FKBP5: variants seen among roughly 807,000 people sequenced by gnomAD.
FKBP5 encodes the protein peptidyl-prolyl cis-trans isomerase FKBP5.
Under a neutral mutation model 50.5 loss-of-function variants are expected in FKBP5, and 23 were observed. That is an observed-to-expected ratio of 0.46 (90% CI 0.33 to 0.65). The LOEUF (loss-of-function observed/expected upper bound fraction) is 0.65. FKBP5 is among the 30% of genes least tolerant of loss of function. FKBP5 has a pLI of 0.02. For synonymous variants in FKBP5, 176 were observed against 190.6 expected, an observed-to-expected ratio of 0.92 and a Z score of 0.63; for missense variants, 411 against 553.1, an observed-to-expected ratio of 0.74 and a Z score of 2.58.
chr6:35,619,080 T>A lies in FKBP5; in HGVS notation c.508+16A>T, dbSNP rs1004760747. On this transcript the variant is annotated intron_variant, in intron 5 of 10. Transcript: ENST00000357266. Reference sequence around the variant, plus strand: ...CCAACTTTTAAGGACTAGTTCCCTCTTACTTTAATACTTACTTTCTACTGT... The same window carrying A: ...CCAACTTTTAAGGACTAGTTCCCTCATACTTTAATACTTACTTTCTACTGT... The A allele has an allele frequency of 2.6e-6, 4 of 1,559,424 alleles. No individual in the cohort carries two copies. In the African/African-American group the frequency reaches 4.1e-5, roughly 16 times the overall value.
At chr6:35,615,829 G>A (rs1320069757) in intron 5 of FKBP5, among the ~76,000 whole-genome samples, 1 of 152,152 alleles carries the variant, frequency 6.6e-6, no homozygotes, top group Non-Finnish European at 1.5e-5. Flanking sequence ...AGTGAAACAT[G>A]GTTTCCCACC....
At chr6:35,687,607 T>C (rs1417390267) in intron 1 of FKBP5, among the ~76,000 whole-genome samples, 1 of 152,108 alleles carries the variant, frequency 6.6e-6, no homozygotes. Context: ...ACAATGAAAA[T>C]AAACACTCCT....
At chr6:35,714,807 T>G (rs1766484096) in intron 2 of FKBP5, among the ~76,000 whole-genome samples, 1 of 102,616 alleles carries the variant, frequency 9.7e-6, no homozygotes, top group African/African-American at 4.7e-5. Flanking sequence ...AGAGTGAAAC[T>G]CTGTCTCAAA....
At chr6:35,593,854 C>T (rs1055253203) in intron 6 of FKBP5, among the ~76,000 whole-genome samples, 15 of 151,884 alleles carry the variant, frequency 9.9e-5, no homozygotes, top group African/African-American at 3.6e-4. Flanking sequence ...CTTGCCTGAC[C>T]AATAGCCTGT....
intron 6 of FKBP5, among the ~76,000 whole-genome samples, chr6:35,594,077 G>C (rs1021519056): frequency 1.3e-5 from 2 of 152,144 alleles, no homozygotes; most frequent in Non-Finnish European, 2.9e-5. Context: ...TTCTAGGCCA[G>C]GTGTGGTGGC....
Position 35,575,442 on chromosome 6 carries a change from A to ATT in FKBP5, c.*391_*392dup, listed in dbSNP as rs111803919. ...GTAGGAAAGGAGAAATTCATGAAGCATTTTTTTTTTAAAGGTTTCTGCAGT... is the reference window on the plus strand; with the variant it reads ...GTAGGAAAGGAGAAATTCATGAAGCATTTTTTTTTTTTAAAGGTTTCTGCAGT... On this transcript the variant is annotated 3_prime_UTR_variant, in exon 11 of 11. Coordinates refer to ENST00000357266, the MANE Select transcript of FKBP5 (RefSeq NM_004117.4). 1,162 of 166,064 alleles carry ATT rather than the reference A, an allele frequency of 7.0e-3. 12 individuals carry two copies. The highest frequency in any genetic ancestry group is 0.024 in the African/African-American group (999 of 41,742). The allele number at this position is 166,064 out of a possible 1,614,324, so 10.3% of individuals were successfully genotyped here. A position where few individuals can be genotyped will look rare whatever the true frequency, so the allele number is the denominator to read the frequency against.
intron 2 of FKBP5, among the ~76,000 whole-genome samples, chr6:35,638,699 TAAGCTATCGCACCCAGCCCCAA>T (rs1764391464): frequency 6.6e-6 from 1 of 152,118 alleles, no homozygotes; most frequent in Non-Finnish European, 1.5e-5. Context: ...ATTACTGGTA[TAAGCTATCGCACCCAGCCCCAA>T]ATATTCTTTA....
At chr6:35,693,781 A>G (rs1766039928), upstream of FKBP5, among the ~76,000 whole-genome samples, 1 of 152,088 alleles carries the variant, frequency 6.6e-6, no homozygotes, top group Non-Finnish European at 1.5e-5. Context: ...TCGGCCTCCC[A>G]AAGTGCTGGG....
At chr6:35,597,472 A>C in intron 5 of FKBP5, 68 bp from the exon 6 acceptor site, 1 of 1,521,352 alleles carries the variant, frequency 6.6e-7, no homozygotes. Context: ...GTGAAGTGAT[A>C]AATGAGTGGT....
intron 2 of FKBP5, among the ~76,000 whole-genome samples, chr6:35,639,597 T>C (rs1240300618): frequency 2.0e-5 from 3 of 152,126 alleles, no homozygotes; most frequent in Non-Finnish European, 4.4e-5. Context: ...TTCTAGAAGC[T>C]TCCTGGAATT....
rs374759584 is a variant in FKBP5, at chr6:35,620,181, G to A, written c.344C>T (p.Ser115Leu). The A allele has an allele frequency of 4.3e-6, 7 of 1,613,934 alleles. No homozygotes were observed. Among genetic ancestry groups the A allele is most frequent in the African/African-American group, 2.7e-5 (2 of 74,894 alleles). ...LLCKPEYAYGSAGSLPKIPSN... is the reference protein window; with the variant it reads ...LLCKPEYAYGLAGSLPKIPSN... ...GGGAATTTTAGGGAGACTGCCAGCC[G>A]AGCCATATGCATATTCTGGTTTGCA... Residue 115 changes from serine (S) to leucine (L), a missense_variant, in exon 4 of 11, where the codon TCG becomes TTG. By Grantham distance (145) the Ser-to-Leu change is moderately radical. Around this residue, in one of 3 missense-constraint regions of FKBP5, gnomAD observed 267 missense variants for 405.9 expected, o/e 0.66. Transcript: ENST00000357266.
At chr6:35,593,148 G>T (rs1339920313) in intron 6 of FKBP5, among the ~76,000 whole-genome samples, 1 of 152,180 alleles carries the variant, frequency 6.6e-6, no homozygotes, top group Non-Finnish European at 1.5e-5. Context: ...ACAGAAAGTT[G>T]TCAGCCTGGG....
At chr6:35,605,753 A>T (rs963518802) in intron 5 of FKBP5, among the ~76,000 whole-genome samples, 1 of 152,146 alleles carries the variant, frequency 6.6e-6, no homozygotes, top group East Asian at 1.9e-4. Context: ...AGAACTGGAA[A>T]AAAACAGGGT....
intron 2 of FKBP5, among the ~76,000 whole-genome samples, chr6:35,705,744 T>C (rs1192710112): frequency 6.6e-6 from 1 of 152,140 alleles, no homozygotes; most frequent in Non-Finnish European, 1.5e-5. Context: ...CCTTACCTCA[T>C]TTCTTACAAC....
chr6:35,604,698 C>A (rs560803573), intron 5 of FKBP5, among the ~76,000 whole-genome samples: 26 of 152,186 alleles, frequency 1.7e-4, no homozygotes, highest in African/African-American at 5.5e-4. Flanking sequence ...CTTTATGAGA[C>A]CTTTTGCCTT....
Position 35,587,081 on chromosome 6 carries a change from A to AT in FKBP5, c.792dup (p.Leu265IlefsTer49). ...TCTTTGACAATGGCAGCCTGCTCCA[A>AT]TTTTTCTTTGGTATCCATCTCCCAG... On this transcript the variant is annotated frameshift_variant, in exon 8 of 11. Coordinates refer to ENST00000357266, the MANE Select transcript of FKBP5 (RefSeq NM_004117.4). LOFTEE classifies it high-confidence loss of function. 6.2e-7 allele frequency: 1 copy of AT among 1,613,930 alleles called. No individual in the cohort carries two copies. The highest frequency in any genetic ancestry group is 8.5e-7 in the Non-Finnish European group (1 of 1,179,944).
chr6:35,582,418 G>T (rs1057349966), intron 8 of FKBP5: 8 of 521,434 alleles, frequency 1.5e-5, no homozygotes, highest in Non-Finnish European at 1.7e-5. Context: ...CATGAGGGTG[G>T]GGCCTCATGA....
intron 8 of FKBP5, chr6:35,583,742 G>T: frequency 1.0e-6 from 1 of 973,040 alleles, no homozygotes; most frequent in Non-Finnish European, 1.2e-6. Context: ...TCCAAATGTT[G>T]ATAGTACTGA....
chr6:35,667,417 G>A (rs951938491), intron 1 of FKBP5, among the ~76,000 whole-genome samples: 3 of 152,026 alleles, frequency 2.0e-5, no homozygotes, highest in Non-Finnish European at 2.9e-5. Flanking sequence ...TGCCTATTAC[G>A]CTTATGGCTC....
Sources: gnomAD v4.1 joint callset for allele counts (sites outside exome capture counted in the v4.1 genomes callset) on GRCh38, gnomAD v4.1.1 for gene constraint, gnomAD v4.1.1 regional missense constraint, MANE v1.5 for transcripts, NCBI Gene and HGNC (gene_info 2026-07-23, HGNC 2026-07-21) for gene names.